The following WDR70 variants were observed in gnomAD, a reference collection of about 807,000 sequenced individuals.
WDR70 encodes the protein WD repeat domain 70.
In WDR70, 53 loss-of-function variants were observed where a neutral mutation model predicts 88.6. That is an observed-to-expected ratio of 0.60 (90% CI 0.48 to 0.75). The LOEUF (loss-of-function observed/expected upper bound fraction) is 0.75. WDR70 is among the 30% of genes least tolerant of loss of function. The probability of loss-of-function intolerance (pLI) is 0.00; values close to 1 mark genes in which losing one functional copy is unlikely to be tolerated. For missense variants in WDR70, 610 were observed against 823.2 expected (o/e 0.74, Z 3.17); for synonymous variants, 280 against 270.0 (o/e 1.04, Z -0.36).
At chr5:37,548,950 A>G (rs1390075027) in intron 9 of WDR70, among the ~76,000 whole-genome samples, 2 of 152,074 alleles carry the variant, frequency 1.3e-5, no homozygotes, top group Non-Finnish European at 2.9e-5. Context: ...TTAGTTCACT[A>G]CAGGTGTGTG....
chr5:37,479,932 A>C lies in WDR70; in HGVS notation c.785A>C (p.Glu262Ala). ...QAKVIDRDGF[E>A]VMECIKGDQY... ...AAGGTGATTGACAGAGATGGTTTTGAAGTAATGGAATGTATAAAAGGAGAC... is the reference window on the plus strand; with the variant it reads ...AAGGTGATTGACAGAGATGGTTTTGCAGTAATGGAATGTATAAAAGGAGAC... Residue 262 changes from glutamate to alanine, a missense_variant, in exon 8 of 18, where the codon GAA becomes GCA. By Grantham distance (107) the Glu-to-Ala change is moderately radical. Around this residue, in one of 4 missense-constraint regions of WDR70, gnomAD observed 83 missense variants for 155.3 expected, o/e 0.53. Coordinates refer to ENST00000265107, the MANE Select transcript of WDR70 (RefSeq NM_018034.4). 2 of 1,614,128 alleles carry C rather than the reference A, an allele frequency of 1.2e-6. No individual in the cohort carries two copies. The highest frequency in any genetic ancestry group is 2.2e-5 in the South Asian group (2 of 91,080).
chr5:37,393,195 C>T (rs746635347), intron 4 of WDR70, among the ~76,000 whole-genome samples: 1 of 151,894 alleles, frequency 6.6e-6, no homozygotes, highest in African/African-American at 2.4e-5. Context: ...GTGCCCACCA[C>T]CATGCCCAGC....
At chr5:37,463,661 A>T (rs1318752402) in intron 7 of WDR70, among the ~76,000 whole-genome samples, 1 of 151,964 alleles carries the variant, frequency 6.6e-6, no homozygotes, top group Non-Finnish European at 1.5e-5. Flanking sequence ...CTTCCTCATG[A>T]CTCCGGTTTA....
At chr5:37,577,689 A>C (rs1038862090) in intron 9 of WDR70, among the ~76,000 whole-genome samples, 1 of 152,120 alleles carries the variant, frequency 6.6e-6, no homozygotes, top group Non-Finnish European at 1.5e-5. Flanking sequence ...GAATGAGACC[A>C]CTTCCTTGAA....
chr5:37,381,975 G>T (rs1439389177), intron 3 of WDR70, among the ~76,000 whole-genome samples: 2 of 149,270 alleles, frequency 1.3e-5, no homozygotes, highest in Admixed American at 6.9e-5. Flanking sequence ...TTCAGTTGAA[G>T]TCGGGAGGCA....
At chr5:37,586,419 T>TA (rs1236036804) in intron 9 of WDR70, among the ~76,000 whole-genome samples, 1 of 152,190 alleles carries the variant, frequency 6.6e-6, no homozygotes, top group East Asian at 1.9e-4. Context: ...ACCTTTTTTT[T>TA]ATTATTATAC....
rs1554145412 is a variant in WDR70, at chr5:37,514,336, C to CTACATACA, written c.841-2172_841-2171insCATACATA. ...TGCCGACATTATGGCATATTTAGAACTACATATATATATATATATATATGT... is the reference window on the plus strand; with the variant it reads ...TGCCGACATTATGGCATATTTAGAACTACATACATACATATATATATATATATATATGT... On this transcript the variant is annotated intron_variant, in intron 8 of 17. Transcript: ENST00000265107. 1.2e-3 allele frequency among the ~76,000 whole-genome samples: 13 copies of CTACATACA among 10,960 alleles called. 1 individual carries two copies. The highest frequency in any genetic ancestry group is 1.4e-3 in the African/African-American group (13 of 9,126). The allele number at this position is 10,960 out of a possible 152,430, so 7.2% of individuals were successfully genotyped here.
intron 17 of WDR70, among the ~76,000 whole-genome samples, chr5:37,744,862 C>G (rs1020629871): frequency 6.6e-6 from 1 of 152,100 alleles, no homozygotes; most frequent in African/African-American, 2.4e-5. Context: ...AAACACACTT[C>G]AGGATATTTT....
At chr5:37,690,017 A>G (rs188356201) in intron 10 of WDR70, among the ~76,000 whole-genome samples, 194 of 152,340 alleles carry the variant, frequency 1.3e-3, no homozygotes, top group Non-Finnish European at 2.2e-3. Flanking sequence ...AAGACCTTAA[A>G]TGACGTGATG....
intron 7 of WDR70, among the ~76,000 whole-genome samples, chr5:37,467,622 T>C (rs1739197240): frequency 6.6e-6 from 1 of 151,754 alleles, no homozygotes; most frequent in Admixed American, 6.6e-5. Flanking sequence ...CTACAAGCTC[T>C]GCCTCCTGGG....
chr5:37,461,831 T>A (rs1739016005), intron 7 of WDR70, among the ~76,000 whole-genome samples: 1 of 152,182 alleles, frequency 6.6e-6, no homozygotes, highest in Admixed American at 6.5e-5. Context: ...CTATATATCT[T>A]TGTTTTATTA....
chr5:37,678,968 T>C (rs1481792266), intron 10 of WDR70, among the ~76,000 whole-genome samples: 1 of 152,230 alleles, frequency 6.6e-6, no homozygotes, highest in Non-Finnish European at 1.5e-5. Context: ...CCTTCTCGCT[T>C]CATTTCATTC....
rs1290031192 is a variant in WDR70 at position 37,514,358 on chromosome 5, A to ATATG, written c.841-2155_841-2154insATGT. On this transcript the variant is annotated intron_variant, in intron 8 of 17. Coordinates refer to ENST00000265107, the MANE Select transcript of WDR70 (RefSeq NM_018034.4). ...GAACTACATATATATATATATATAT[A>ATATG]TGTATGTATGTATGTTTATGTATTT... Among the ~76,000 whole-genome samples, 11 of 50,734 alleles carry ATATG rather than the reference A, an allele frequency of 2.2e-4. 2 individuals are homozygous for ATATG. Among genetic ancestry groups the ATATG allele is most frequent in the African/African-American group, 4.5e-4 (11 of 24,428 alleles). The allele number at this position is 50,734 out of a possible 152,430, so 33.3% of individuals were successfully genotyped here. A position where few individuals can be genotyped will look rare whatever the true frequency, so the allele number is the denominator to read the frequency against.
In WDR70 at chr5:37,697,687, T is replaced by A; in HGVS notation, c.1125T>A (p.His375Gln). The A allele has an allele frequency of 6.2e-7, 1 of 1,613,888 alleles. No homozygotes were observed. Among genetic ancestry groups the A allele is most frequent in the East Asian group, 2.2e-5 (1 of 44,852 alleles). The change falls in exon 11 of 18, where the codon CAT (histidine) becomes CAA (glutamine). Residue 375 changes from histidine to glutamine, a missense_variant. This residue lies in a region of WDR70 where 254 missense variants were observed against 300.7 expected (regional missense o/e 0.84). Coordinates refer to ENST00000265107, the MANE Select transcript of WDR70 (RefSeq NM_018034.4). Reference sequence around the variant, plus strand: ...CTAAGTTCCACTATAAACAGGCTCATGACTCGGGCACAGACACTTCTTGCG... The same window carrying A: ...CTAAGTTCCACTATAAACAGGCTCAAGACTCGGGCACAGACACTTCTTGCG... The part of the protein sequence containing the change: ...VHPKFHYKQA[H>Q]DSGTDTSCVT...
chr5:37,427,485 C>T (rs1750167475), intron 5 of WDR70, among the ~76,000 whole-genome samples: 1 of 152,002 alleles, frequency 6.6e-6, no homozygotes. Context: ...TGTACATGTA[C>T]ACACACATGC....
At chr5:37,653,253 C>T (rs978079047) in intron 10 of WDR70, among the ~76,000 whole-genome samples, 2 of 152,134 alleles carry the variant, frequency 1.3e-5, no homozygotes, top group African/African-American at 4.8e-5. Context: ...TATTGATTTA[C>T]ATATGTTGAA....
At chr5:37,504,237 G>A (rs1431185326) in intron 8 of WDR70, among the ~76,000 whole-genome samples, 1 of 151,556 alleles carries the variant, frequency 6.6e-6, no homozygotes, top group East Asian at 2.1e-4. Flanking sequence ...AATATCAATA[G>A]TTGATGATAT....
At position 37,429,370 on chromosome 5, in the gene WDR70, G is replaced by GT. The variant is rs966153781; in HGVS notation, c.493-8543dup. On this transcript the variant is annotated intron_variant, in intron 5 of 17. Coordinates refer to ENST00000265107, the MANE Select transcript of WDR70 (RefSeq NM_018034.4). ...TTTTAAATTTTGATAAAATATGTCA[G>GT]TTTTTTTTTCTTTTTGGTGTGTATT... is the stretch of plus-strand genomic sequence containing the variant. Among the ~76,000 whole-genome samples the GT allele has an allele frequency of 9.3e-5, 14 of 151,000 alleles. 1 individual carries two copies. The highest frequency in any genetic ancestry group is 7.8e-4 in the East Asian group (4 of 5,154).
intron 7 of WDR70, among the ~76,000 whole-genome samples, chr5:37,472,250 T>G (rs1739348172): frequency 6.6e-6 from 1 of 152,020 alleles, no homozygotes; most frequent in Non-Finnish European, 1.5e-5. Flanking sequence ...AATATACCCA[T>G]CTCCTCAGAA....
Sources: allele counts gnomAD v4.1 joint callset (sites outside exome capture counted in the v4.1 genomes callset), GRCh38; gene constraint gnomAD v4.1.1; regional missense constraint gnomAD v4.1.1; transcripts MANE v1.5; gene names NCBI Gene and HGNC (gene_info 2026-07-23, HGNC 2026-07-21).